The following DMD variants were observed in gnomAD, a reference collection of about 807,000 sequenced individuals.
DMD encodes dystrophin.
Under a neutral mutation model 330.1 loss-of-function variants are expected in DMD, and 63 were observed. The observed-to-expected ratio is 0.19, with a 90% CI of 0.16 to 0.24. DMD has a LOEUF of 0.24. Among genes scored for constraint, DMD ranks in the 10% least tolerant of loss-of-function variants. The probability of loss-of-function intolerance (pLI) is 1.00; values close to 1 mark genes in which losing one functional copy is unlikely to be tolerated. For missense variants in DMD, 3,344 were observed against 2,684.1 expected (o/e 1.25, Z -5.43); for synonymous variants, 1,223 against 959.8 (o/e 1.27, Z -5.07).
intron 60 of DMD, among the ~76,000 whole-genome samples, chrX:31,384,702 T>G (rs913870093): frequency 1.8e-5 from 2 of 111,574 alleles, no homozygotes; most frequent in Non-Finnish European, 3.8e-5. Context: ...CTGTCCATGA[T>G]GTGGAAAGCT....
intron 19 of DMD, among the ~76,000 whole-genome samples, chrX:32,498,363 T>C (rs181007768): frequency 2.3e-4 from 26 of 111,676 alleles, no homozygotes; most frequent in African/African-American, 7.8e-4. Flanking sequence ...AAGATAGAGA[T>C]AAATCAGTTA....
At chrX:31,457,014 G>A (rs777627246) in intron 59 of DMD, among the ~76,000 whole-genome samples, 1 of 109,433 alleles carries the variant, frequency 9.1e-6, no homozygotes, top group Admixed American at 9.9e-5. Context: ...TTGAGTCATA[G>A]GGGTTTGGAA....
At chrX:31,123,216 A>AGAC (rs1008040345) in intron 78 of DMD, among the ~76,000 whole-genome samples, 5 of 110,973 alleles carry the variant, frequency 4.5e-5, no homozygotes, top group African/African-American at 1.7e-4. Flanking sequence ...GATCAACTGA[A>AGAC]GACTTACTTA....
chrX:32,521,473 T>TA (rs2046415912), intron 17 of DMD, among the ~76,000 whole-genome samples: 1 of 103,244 alleles, frequency 9.7e-6, no homozygotes, highest in Admixed American at 1.0e-4. Flanking sequence ...TGTCAAGACC[T>TA]AGTTCATTAC....
At chrX:32,481,141 T>G (rs181667696) in intron 21 of DMD, among the ~76,000 whole-genome samples, 54 of 110,654 alleles carry the variant, frequency 4.9e-4, no homozygotes, top group African/African-American at 1.7e-3. Context: ...AGAGCATCCT[T>G]GCTGGCTACC....
intron 48 of DMD, among the ~76,000 whole-genome samples, chrX:31,867,283 T>C (rs1295908601): frequency 9.1e-6 from 1 of 109,853 alleles, no homozygotes; most frequent in African/African-American, 3.3e-5. Context: ...CCTGTGTTGA[T>C]TTTGTATGTC....
chrX:32,668,942 G>A (rs371327849), intron 9 of DMD, among the ~76,000 whole-genome samples: 77 of 110,885 alleles, frequency 6.9e-4, no homozygotes, highest in African/African-American at 2.5e-3. Context: ...GGACATTTTT[G>A]TCCTGAAAAA....
chrX:32,144,273 A>T (rs185629707), intron 44 of DMD, among the ~76,000 whole-genome samples: 1 of 111,727 alleles, frequency 9.0e-6, no homozygotes, highest in Non-Finnish European at 1.9e-5. Context: ...TAGTAGAAAA[A>T]TTTAAACTAT....
At chrX:33,313,567 A>G (rs891332559) in intron 1 of DMD, among the ~76,000 whole-genome samples, 23 of 111,581 alleles carry the variant, frequency 2.1e-4, no homozygotes, top group Non-Finnish European at 4.0e-4. Context: ...CAAATGTACA[A>G]GATATTTCCA....
chrX:31,203,377 G>T (rs1342570321), intron 67 of DMD, among the ~76,000 whole-genome samples: 1 of 109,843 alleles, frequency 9.1e-6, no homozygotes, highest in Non-Finnish European at 1.9e-5. Context: ...GAAGAAGAGG[G>T]TGTTTCTGGG....
At chrX:33,324,254 G>A (rs185635435) in intron 1 of DMD, among the ~76,000 whole-genome samples, 4 of 110,737 alleles carry the variant, frequency 3.6e-5, no homozygotes, top group Non-Finnish European at 7.6e-5. Flanking sequence ...TACAGTGTGA[G>A]TTTCATGAGC....
intron 11 of DMD, among the ~76,000 whole-genome samples, chrX:32,629,651 A>G (rs2058604302): frequency 9.0e-6 from 1 of 110,612 alleles, no homozygotes; most frequent in South Asian, 3.8e-4. Context: ...TTCTCTGGTC[A>G]TATGTTATAC....
chrX:33,067,789 G>T (rs969809874), intron 1 of DMD, among the ~76,000 whole-genome samples: 13 of 109,520 alleles, frequency 1.2e-4, no homozygotes, highest in African/African-American at 4.3e-4. Context: ...AGGTTGCAGT[G>T]AGCCGAGATC....
chrX:32,206,136 C>T (rs2097067858), intron 44 of DMD: 2 of 515,649 alleles, frequency 3.9e-6, no homozygotes, highest in South Asian at 4.6e-5. Context: ...AATGTCTGTA[C>T]AGCCCATGGT....
At chrX:31,577,458 G>A (rs926611528) in intron 55 of DMD, among the ~76,000 whole-genome samples, 22 of 112,005 alleles carry the variant, frequency 2.0e-4, no homozygotes, top group Admixed American at 7.6e-4. Context: ...AGTGATTAAT[G>A]TTCACTTGGT....
intron 17 of DMD, among the ~76,000 whole-genome samples, chrX:32,532,447 C>T (rs1253381627): frequency 8.9e-6 from 1 of 112,271 alleles, no homozygotes; most frequent in Non-Finnish European, 1.9e-5. Flanking sequence ...CCGAAGGCAA[C>T]ACCCTAAGCT....
intron 41 of DMD, among the ~76,000 whole-genome samples, chrX:32,335,543 T>C (rs1267848004): frequency 2.0e-5 from 2 of 102,223 alleles, no homozygotes; most frequent in African/African-American, 3.6e-5. Context: ...ACATGTTATA[T>C]ATAACGTGTA....
chrX:31,738,279 A>G (rs1389878344), intron 51 of DMD, among the ~76,000 whole-genome samples: 2 of 112,473 alleles, frequency 1.8e-5, no homozygotes, highest in Non-Finnish European at 3.8e-5. Context: ...TGGCAGATCA[A>G]GAATACATAC....
At chrX:31,482,253 G>A (rs1427826227) in intron 57 of DMD, among the ~76,000 whole-genome samples, 1 of 101,916 alleles carries the variant, frequency 9.8e-6, no homozygotes, top group East Asian at 3.2e-4. Context: ...GGTGTTCTGT[G>A]CATGGGGGAC....
Sources: allele counts gnomAD v4.1 joint callset (sites outside exome capture counted in the v4.1 genomes callset), GRCh38; gene constraint gnomAD v4.1.1; transcripts MANE v1.5; gene names NCBI Gene and HGNC (gene_info 2026-07-23, HGNC 2026-07-21).